Variants in RNF216 observed in about 807,000 individuals in gnomAD.
The protein encoded by RNF216 is E3 ubiquitin-protein ligase RNF216.
In RNF216, 72 loss-of-function variants were observed where a neutral mutation model predicts 110.8. That is an observed-to-expected ratio of 0.65 (90% CI 0.54 to 0.79). The LOEUF is 0.79. Ranked by LOEUF, RNF216 falls within the 30% of genes least tolerant of loss-of-function variation. The probability of loss-of-function intolerance (pLI) is 0.00; values close to 1 mark genes in which losing one functional copy is unlikely to be tolerated. For missense variants in RNF216, 1,342 were observed against 1,141.2 expected, an observed-to-expected ratio of 1.18 and a Z score of -2.54; for synonymous variants, 495 against 407.5, an observed-to-expected ratio of 1.21 and a Z score of -2.59.
chr7:5,755,061 G>A (rs1389720527), intron 2 of RNF216, among the ~76,000 whole-genome samples: 1 of 149,436 alleles, frequency 6.7e-6, no homozygotes, highest in African/African-American at 2.5e-5. Flanking sequence ...AAGGGAGGGA[G>A]GGAGGGAACT....
chr7:5,781,026 G>A (rs991840663), intron 1 of RNF216, among the ~76,000 whole-genome samples: 3 of 152,224 alleles, frequency 2.0e-5, no homozygotes, highest in Admixed American at 6.5e-5. Flanking sequence ...CACTTGCGGC[G>A]CCCTCGCGAG....
intron 13 of RNF216, among the ~76,000 whole-genome samples, chr7:5,670,365 G>A (rs1020398324): frequency 2.0e-5 from 3 of 152,312 alleles, no homozygotes; most frequent in Admixed American, 1.3e-4. Flanking sequence ...CCAGCCATGT[G>A]ATAGTGGGCT....
At chr7:5,628,823 G>A (rs948863722) in intron 15 of RNF216, among the ~76,000 whole-genome samples, 1 of 151,974 alleles carries the variant, frequency 6.6e-6, no homozygotes, top group African/African-American at 2.4e-5. Flanking sequence ...ACACCCAGCT[G>A]GAAGATTTCT....
chr7:5,745,645 A>C (rs1794992059), intron 3 of RNF216, among the ~76,000 whole-genome samples: 1 of 152,052 alleles, frequency 6.6e-6, no homozygotes, highest in South Asian at 2.1e-4. Flanking sequence ...CACGCCTGTA[A>C]TCTCAGCACT....
At chr7:5,766,101 T>C (rs1474161911) in intron 1 of RNF216, among the ~76,000 whole-genome samples, 5 of 151,816 alleles carry the variant, frequency 3.3e-5, no homozygotes, top group Non-Finnish European at 5.9e-5. Context: ...CTGGGCAATA[T>C]AGCTAGACCC....
At position 5,741,263 on chromosome 7, in the gene RNF216, G is replaced by C; in HGVS notation, c.754C>G (p.Gln252Glu). 1.2e-6 allele frequency: 2 copies of C among 1,614,140 alleles called. No homozygotes were observed. Among genetic ancestry groups the C allele is most frequent in the Non-Finnish European group, 1.7e-6 (2 of 1,179,998 alleles). The change falls in exon 4 of 17, where the codon CAG becomes GAG. Residue 252 changes from glutamine (Q) to glutamate (E), a missense_variant. By Grantham distance (29) the Gln-to-Glu change is conservative (BLOSUM62 2). Coordinates refer to ENST00000389902, the MANE Select transcript of RNF216 (RefSeq NM_207111.4). ...AGTTCTGCTTCAGGCTGCCGTTCCT[G>C]AGGAACGACCTGGTTTGTTATTTCA... ...PREITNQVVP[Q>E]ERQPEAELGR...
At chr7:5,662,839 G>T (rs1203966517) in intron 13 of RNF216, among the ~76,000 whole-genome samples, 2 of 152,110 alleles carry the variant, frequency 1.3e-5, no homozygotes, top group African/African-American at 4.8e-5. Flanking sequence ...GTCAGGGAAG[G>T]CTTGTGTAGA....
intron 13 of RNF216, among the ~76,000 whole-genome samples, chr7:5,705,917 TAAAACAAAAC>T (rs55645443): frequency 0.41 from 58,626 of 143,814 alleles, 12,401 homozygotes; most frequent in African/African-American, 0.49. Flanking sequence ...CAACAAAAAC[TAAAACAAAAC>T]AAAACAAAAC....
intron 13 of RNF216, among the ~76,000 whole-genome samples, chr7:5,689,124 G>C (rs1791166971): frequency 6.6e-6 from 1 of 152,054 alleles, no homozygotes; most frequent in Non-Finnish European, 1.5e-5. Context: ...TGCCTTGTGA[G>C]CCAATATGCA....
chr7:5,738,300 A>C (rs1584543137), intron 5 of RNF216, among the ~76,000 whole-genome samples: 1 of 152,106 alleles, frequency 6.6e-6, no homozygotes. Flanking sequence ...AACACAGCTC[A>C]CTGCAGCCTT....
intron 10 of RNF216, among the ~76,000 whole-genome samples, chr7:5,716,452 C>G (rs1364478403): frequency 6.6e-6 from 1 of 152,090 alleles, no homozygotes; most frequent in Non-Finnish European, 1.5e-5. Context: ...AAGTTGTAAA[C>G]TTTCCTTTAT....
chr7:5,693,247 A>G (rs147627666), intron 13 of RNF216, among the ~76,000 whole-genome samples: 127 of 152,340 alleles, frequency 8.3e-4, no homozygotes, highest in African/African-American at 3.0e-3. Flanking sequence ...CTATAAAGGC[A>G]GAGTTAGGTA....
intron 15 of RNF216, among the ~76,000 whole-genome samples, chr7:5,626,873 T>C (rs1299695752): frequency 6.6e-6 from 1 of 152,122 alleles, no homozygotes; most frequent in African/African-American, 2.4e-5. Flanking sequence ...ATGCTCATGA[T>C]TAGGACACAG....
intron 10 of RNF216, among the ~76,000 whole-genome samples, chr7:5,715,555 C>T (rs368403959): frequency 6.6e-6 from 1 of 151,504 alleles, no homozygotes; most frequent in African/African-American, 2.4e-5. Context: ...AGATGTTACC[C>T]AAAAAACTTT....
chr7:5,650,352 G>A (rs1468554698), intron 14 of RNF216, among the ~76,000 whole-genome samples: 21 of 152,188 alleles, frequency 1.4e-4, no homozygotes, highest in Admixed American at 9.2e-4. Context: ...GACGCTGAGC[G>A]GAACCAGTGC....
At chr7:5,715,027 C>T (rs937083219) in intron 11 of RNF216, 26 bp downstream of exon 11, 9 of 1,593,746 alleles carry the variant, frequency 5.6e-6, no homozygotes, top group Admixed American at 5.1e-5. Flanking sequence ...GTCCTATATA[C>T]ATGGGACATA....
intron 13 of RNF216, among the ~76,000 whole-genome samples, chr7:5,694,381 G>A (rs1021933485): frequency 1.3e-5 from 2 of 152,164 alleles, no homozygotes; most frequent in Non-Finnish European, 2.9e-5. Flanking sequence ...CAGATCCAAT[G>A]AGCTCAGAAT....
At chr7:5,780,140 C>T (rs948840046) in intron 1 of RNF216, 1 of 152,176 alleles carries the variant, frequency 6.6e-6, no homozygotes, top group African/African-American at 2.4e-5. Flanking sequence ...GGAGTAACAG[C>T]TTGAAAACAA....
intron 13 of RNF216, among the ~76,000 whole-genome samples, chr7:5,661,959 C>T (rs1244128596): frequency 2.0e-5 from 3 of 152,220 alleles, no homozygotes; most frequent in East Asian, 1.9e-4. Flanking sequence ...CGTTTGCTAG[C>T]GAAAGCAGGT....
Sources: allele counts gnomAD v4.1 joint callset (sites outside exome capture counted in the v4.1 genomes callset), GRCh38; gene constraint gnomAD v4.1.1; transcripts MANE v1.5; gene names NCBI Gene and HGNC (gene_info 2026-07-23, HGNC 2026-07-21).